Variants in GABBR2 observed in about 807,000 individuals in gnomAD.
The protein encoded by GABBR2 is gamma-aminobutyric acid type B receptor subunit 2.
In GABBR2, 23 loss-of-function variants were observed where a neutral mutation model predicts 105.6. That is an observed-to-expected ratio of 0.22 (90% CI 0.16 to 0.31). GABBR2 has a LOEUF of 0.31. Ranked by LOEUF, GABBR2 falls within the 10% of genes least tolerant of loss-of-function variation. The pLI, the probability that GABBR2 is intolerant of heterozygous loss-of-function variation, is 1.00. For synonymous variants in GABBR2, 478 were observed against 499.7 expected (o/e 0.96, Z 0.58); for missense variants, 734 against 1,245.5 (o/e 0.59, Z 6.18).
intron 1 of GABBR2, among the ~76,000 whole-genome samples, chr9:98,657,485 C>A (rs1347506687): frequency 1.3e-5 from 2 of 152,154 alleles, no homozygotes; most frequent in South Asian, 2.1e-4. Flanking sequence ...CCCTGTGGAA[C>A]CCTGGCCAGG....
chr9:98,507,403 G>A lies in GABBR2; in HGVS notation c.631-10889C>T, dbSNP rs562024166. On this transcript the variant is annotated intron_variant, in intron 3 of 18. Transcript: ENST00000259455. Reference sequence around the variant, plus strand: ...TCTGCTGCTGGCTTTGAAAGTGGAGGAAGAGGCCAGGAACCAAGGCTCACG... The same window carrying A: ...TCTGCTGCTGGCTTTGAAAGTGGAGAAAGAGGCCAGGAACCAAGGCTCACG... Among the ~76,000 whole-genome samples, 355 of 152,252 alleles carry A rather than the reference G, an allele frequency of 2.3e-3. 2 individuals are homozygous for A. Among genetic ancestry groups the A allele is most frequent in the Non-Finnish European group, 3.4e-3 (230 of 68,018 alleles).
intron 3 of GABBR2, among the ~76,000 whole-genome samples, chr9:98,508,787 G>C (rs1208551193): frequency 6.6e-5 from 10 of 152,012 alleles, no homozygotes; most frequent in Non-Finnish European, 1.5e-4. Context: ...CAACTGGGTG[G>C]AGCCCACCAC....
chr9:98,634,116 C>T (rs1410602366), intron 1 of GABBR2, among the ~76,000 whole-genome samples: 2 of 152,212 alleles, frequency 1.3e-5, no homozygotes, highest in African/African-American at 4.8e-5. Context: ...GAGACTGCCG[C>T]TGACTATAGG....
chr9:98,619,199 A>G (rs370202799), intron 1 of GABBR2, among the ~76,000 whole-genome samples: 12 of 152,322 alleles, frequency 7.9e-5, no homozygotes, highest in African/African-American at 2.9e-4. Flanking sequence ...CAAACCCAAA[A>G]GAAGGTAATA....
intron 8 of GABBR2, among the ~76,000 whole-genome samples, chr9:98,398,721 C>T (rs1222426346): frequency 6.6e-6 from 1 of 152,192 alleles, no homozygotes; most frequent in East Asian, 1.9e-4. Context: ...ACTTCCACCC[C>T]ATCCCAATCT....
chr9:98,550,104 T>C (rs186520819), intron 2 of GABBR2, among the ~76,000 whole-genome samples: 79 of 152,314 alleles, frequency 5.2e-4, no homozygotes, highest in Non-Finnish European at 9.1e-4. Context: ...GTTCTCAGTA[T>C]ACAAATTTAG....
At chr9:98,580,893 C>T (rs73494493) in intron 1 of GABBR2, among the ~76,000 whole-genome samples, 255 of 152,244 alleles carry the variant, frequency 1.7e-3, no homozygotes, top group African/African-American at 5.6e-3. Context: ...CATTCTGTGT[C>T]CTCCTCATTT....
chr9:98,706,269 G>A (rs566207862), intron 1 of GABBR2, among the ~76,000 whole-genome samples: 44 of 152,206 alleles, frequency 2.9e-4, no homozygotes, highest in African/African-American at 1.1e-3. Context: ...CACCTGCAGA[G>A]TACACATAAT....
chr9:98,625,397 C>T (rs976469061), intron 1 of GABBR2, among the ~76,000 whole-genome samples: 1 of 152,260 alleles, frequency 6.6e-6, no homozygotes, highest in South Asian at 2.1e-4. Flanking sequence ...CCCAGCGTGG[C>T]CCAGGCCCCT....
intron 13 of GABBR2, among the ~76,000 whole-genome samples, chr9:98,318,145 C>G (rs1830751413): frequency 6.6e-6 from 1 of 152,180 alleles, no homozygotes. Context: ...GACAGCATGG[C>G]TTCTCACTCG....
intron 10 of GABBR2, among the ~76,000 whole-genome samples, chr9:98,387,767 G>C (rs1564044661): frequency 1.3e-5 from 2 of 150,918 alleles, no homozygotes; most frequent in African/African-American, 4.9e-5. Flanking sequence ...TCTTAAAAAA[G>C]TAAAATAAAA....
At chr9:98,432,530 A>T (rs1045140575) in intron 7 of GABBR2, among the ~76,000 whole-genome samples, 3 of 152,150 alleles carry the variant, frequency 2.0e-5, no homozygotes, top group Admixed American at 6.5e-5. Flanking sequence ...ACAAACCAGG[A>T]TCCTGGCATT....
chr9:98,409,408 G>T (rs1442863105), intron 7 of GABBR2, among the ~76,000 whole-genome samples: 1 of 152,060 alleles, frequency 6.6e-6, no homozygotes, highest in Non-Finnish European at 1.5e-5. Context: ...GAAGATGGTG[G>T]TTTCAGTGAG....
intron 1 of GABBR2, among the ~76,000 whole-genome samples, chr9:98,609,737 C>T (rs1366232226): frequency 2.0e-5 from 3 of 152,178 alleles, no homozygotes; most frequent in Non-Finnish European, 4.4e-5. Context: ...AGCTGGGCTC[C>T]AGGCTCCTTG....
chr9:98,403,843 A>T (rs1832442668), intron 8 of GABBR2, among the ~76,000 whole-genome samples: 1 of 151,608 alleles, frequency 6.6e-6, no homozygotes, highest in Non-Finnish European at 1.5e-5. Context: ...CCCATATTCC[A>T]TGAAGGTAGT....
At chr9:98,538,822 C>G (rs754599740) in intron 3 of GABBR2, among the ~76,000 whole-genome samples, 1 of 152,160 alleles carries the variant, frequency 6.6e-6, no homozygotes, top group Non-Finnish European at 1.5e-5. Context: ...TAGCCCCTGG[C>G]GAGTTTCCAG....
chr9:98,409,954 C>G (rs189473768), intron 7 of GABBR2, among the ~76,000 whole-genome samples: 1 of 152,304 alleles, frequency 6.6e-6, no homozygotes, highest in East Asian at 1.9e-4. Flanking sequence ...CATCAAAGGT[C>G]GCTGGGGCTG....
chr9:98,425,439 A>G (rs547976916), intron 7 of GABBR2, among the ~76,000 whole-genome samples: 3 of 152,312 alleles, frequency 2.0e-5, no homozygotes, highest in East Asian at 3.9e-4. Flanking sequence ...TGTTCATTCA[A>G]TTAGTCATTT....
intron 8 of GABBR2, among the ~76,000 whole-genome samples, chr9:98,402,810 T>A (rs932399604): frequency 6.6e-6 from 1 of 152,168 alleles, no homozygotes; most frequent in African/African-American, 2.4e-5. Flanking sequence ...ACTCCCTGGA[T>A]GGCTCATCGC....
Sources: allele counts gnomAD v4.1 joint callset (sites outside exome capture counted in the v4.1 genomes callset), GRCh38; gene constraint gnomAD v4.1.1; transcripts MANE v1.5; gene names NCBI Gene and HGNC (gene_info 2026-07-23, HGNC 2026-07-21).